Variants in LHFPL3 observed in about 807,000 individuals in gnomAD.
LHFPL3 encodes LHFPL tetraspan subfamily member 3, also known as LHFPL tetraspan subfamily member 3 protein.
Under a neutral mutation model 19.3 loss-of-function variants are expected in LHFPL3, and 5 were observed. The ratio of observed to expected loss-of-function variants is 0.26; its 90% CI spans 0.14 to 0.54. The LOEUF (loss-of-function observed/expected upper bound fraction) is 0.54, where lower values mean the gene tolerates loss of function less well. LHFPL3 is among the 20% of genes least tolerant of loss of function. The pLI is 0.94. For synonymous variants in LHFPL3, 133 were observed against 126.2 expected (o/e 1.05, Z -0.36); for missense variants, 249 against 307.4 (o/e 0.81, Z 1.42).
intron 1 of LHFPL3, among the ~76,000 whole-genome samples, chr7:104,603,791 G>A (rs185590058): frequency 6.6e-6 from 1 of 152,354 alleles, no homozygotes; most frequent in Admixed American, 6.5e-5. Context: ...TTAAGCTGAA[G>A]AACAACATTA....
chr7:104,474,631 C>T (rs150609961), intron 1 of LHFPL3, among the ~76,000 whole-genome samples: 433 of 144,886 alleles, frequency 3.0e-3, no homozygotes, highest in Non-Finnish European at 4.7e-3. Flanking sequence ...TGTGCCTCTG[C>T]ACTCCAGCCT....
chr7:104,707,389 C>T (rs1176529386), intron 1 of LHFPL3, among the ~76,000 whole-genome samples: 1 of 152,188 alleles, frequency 6.6e-6, no homozygotes, highest in Non-Finnish European at 1.5e-5. Flanking sequence ...TCAAGTTTGA[C>T]CTGCAAAATT....
intron 1 of LHFPL3, among the ~76,000 whole-genome samples, chr7:104,405,907 A>G (rs1258020236): frequency 1.3e-5 from 2 of 152,198 alleles, no homozygotes; most frequent in African/African-American, 4.8e-5. Flanking sequence ...GGATTTATGA[A>G]TCCTGTCTTA....
At chr7:104,671,330 C>A (rs1436922378) in intron 1 of LHFPL3, among the ~76,000 whole-genome samples, 1 of 151,926 alleles carries the variant, frequency 6.6e-6, no homozygotes, top group East Asian at 1.9e-4. Context: ...TACTCTCCTT[C>A]CAAATAGTTA....
At chr7:104,498,349 C>G (rs1793528837) in intron 1 of LHFPL3, among the ~76,000 whole-genome samples, 1 of 152,172 alleles carries the variant, frequency 6.6e-6, no homozygotes, top group Non-Finnish European at 1.5e-5. Flanking sequence ...TGAGGCTTCC[C>G]TTGTCACTCA....
At chr7:104,423,693 C>A (rs1210349177) in intron 1 of LHFPL3, among the ~76,000 whole-genome samples, 1 of 151,532 alleles carries the variant, frequency 6.6e-6, no homozygotes, top group East Asian at 1.9e-4. Flanking sequence ...AAAAACCGAG[C>A]TTGTTCAGGA....
rs1237620307 is a variant in LHFPL3, at chr7:104,502,630, C to A, written c.445+173406C>A. Among the ~76,000 whole-genome samples the A allele has an allele frequency of 1.3e-5, 2 of 152,246 alleles. 1 individual carries two copies. The highest frequency in any genetic ancestry group is 2.9e-5 in the Non-Finnish European group (2 of 68,014). On this transcript the variant is annotated intron_variant, in intron 1 of 2. Transcript: ENST00000424859. ...AGGATGCTGTGTTCTACCTGCCCCC[C>A]ATCACACACCACCTCCCAATGTATT...
At chr7:104,486,687 A>G (rs1793243218) in intron 1 of LHFPL3, among the ~76,000 whole-genome samples, 1 of 152,192 alleles carries the variant, frequency 6.6e-6, no homozygotes. Context: ...GCAATTTATT[A>G]TTTCTTAAAA....
At chr7:104,603,087 TTTCTTTCTTTCTTTCTTTCTTTC>T (rs1210698158) in intron 1 of LHFPL3, among the ~76,000 whole-genome samples, 1 of 121,566 alleles carries the variant, frequency 8.2e-6, no homozygotes, top group African/African-American at 3.4e-5. Context: ...TCTTTCTTTC[TTTCTTTCTTTCTTTCTTTCTTTC>T]TTTCTTTCTT....
At chr7:104,456,843 G>T (rs561579138) in intron 1 of LHFPL3, among the ~76,000 whole-genome samples, 333 of 152,308 alleles carry the variant, frequency 2.2e-3, no homozygotes, top group South Asian at 5.2e-3. Context: ...ATGTCCCAAG[G>T]TGTGAGATTT....
chr7:104,562,982 G>C (rs1312341763), intron 1 of LHFPL3, among the ~76,000 whole-genome samples: 1 of 152,178 alleles, frequency 6.6e-6, no homozygotes, highest in Admixed American at 6.5e-5. Context: ...GTGCTTGCCA[G>C]TTAGGCTGCT....
intron 1 of LHFPL3, among the ~76,000 whole-genome samples, chr7:104,367,723 T>G: frequency 6.6e-6 from 1 of 152,262 alleles, no homozygotes; most frequent in East Asian, 1.9e-4. Context: ...TTTGCTTTTG[T>G]TTTTGGCTGC....
rs201853978 is a variant in LHFPL3, at chr7:104,589,686, G to C, written c.446-146989G>C. ...TGATTGGAATAGTTTCAGAAGGCAT[G>C]GTACCAGCTCCTCTTTGTACCTCTG... On this transcript the variant is annotated intron_variant, in intron 1 of 2. Coordinates refer to ENST00000424859, the MANE Select transcript of LHFPL3 (RefSeq NM_199000.3). Among the ~76,000 whole-genome samples the C allele has an allele frequency of 6.6e-5, 10 of 152,262 alleles. No homozygotes were observed. The East Asian group carries it at 1.9e-3, about 29-fold the overall frequency.
chr7:104,764,268 T>A (rs1367288431), intron 2 of LHFPL3, among the ~76,000 whole-genome samples: 15 of 152,024 alleles, frequency 9.9e-5, no homozygotes, highest in African/African-American at 3.6e-4. Context: ...CCCAAGTTTC[T>A]AGCAATTCTC....
At chr7:104,830,602 T>G (rs1790931989) in intron 2 of LHFPL3, among the ~76,000 whole-genome samples, 1 of 151,958 alleles carries the variant, frequency 6.6e-6, no homozygotes, top group Non-Finnish European at 1.5e-5. Flanking sequence ...CCTCTCCCCA[T>G]TGCTTGTTTT....
At chr7:104,572,135 G>A (rs917311804) in intron 1 of LHFPL3, among the ~76,000 whole-genome samples, 16 of 152,126 alleles carry the variant, frequency 1.1e-4, no homozygotes, top group Non-Finnish European at 2.2e-4. Flanking sequence ...AAAGTGTGGT[G>A]GTGTTTTCAA....
chr7:104,592,513 C>G (rs1468826794), intron 1 of LHFPL3, among the ~76,000 whole-genome samples: 2 of 152,072 alleles, frequency 1.3e-5, no homozygotes, highest in Non-Finnish European at 2.9e-5. Flanking sequence ...GTCAGTCGGC[C>G]CCTACTGGGA....
At chr7:104,848,493 A>G (rs114785395) in intron 2 of LHFPL3, among the ~76,000 whole-genome samples, 1,835 of 152,230 alleles carry the variant, frequency 0.012, 38 homozygotes, top group African/African-American at 0.042. Context: ...AGAGCCCCCA[A>G]AAAACAGCCA....
rs541505775 is a variant in LHFPL3, at chr7:104,596,223, T to C, written c.446-140452T>C. Among the ~76,000 whole-genome samples the C allele has an allele frequency of 4.6e-5, 7 of 152,352 alleles. No homozygotes were observed. The South Asian group carries it at 1.4e-3, about 32-fold the overall frequency. ...TTAATTTTTATCACATGAGATGCAG[T>C]GGCCCTGCCTCAGACCTTCTCATGG... On this transcript the variant is annotated intron_variant, in intron 1 of 2. Coordinates refer to ENST00000424859, the MANE Select transcript of LHFPL3 (RefSeq NM_199000.3).
Sources: gnomAD v4.1 joint callset for allele counts (sites outside exome capture counted in the v4.1 genomes callset) on GRCh38, gnomAD v4.1.1 for gene constraint, MANE v1.5 for transcripts, NCBI Gene and HGNC (gene_info 2026-07-23, HGNC 2026-07-21) for gene names.